Variants in CNOT10 observed in about 807,000 individuals in gnomAD.
CNOT10 encodes the protein CCR4-NOT transcription complex, subunit 10.
CNOT10 carries 30 observed loss-of-function variants against 94.6 expected under a neutral mutation model. The ratio of observed to expected loss-of-function variants is 0.32; its 90% CI spans 0.24 to 0.43. The LOEUF is 0.43. Ranked by LOEUF, CNOT10 falls within the 20% of genes least tolerant of loss-of-function variation. The probability of loss-of-function intolerance (pLI) is 1.00; values close to 1 mark genes in which losing one functional copy is unlikely to be tolerated. For synonymous variants in CNOT10, 289 were observed against 301.6 expected, an observed-to-expected ratio of 0.96 and a Z score of 0.43; for missense variants, 759 against 877.2, an observed-to-expected ratio of 0.87 and a Z score of 1.70.
In CNOT10 at chr3:32,727,621, A is replaced by G. The variant is rs150555346; in HGVS notation, c.1013-47A>G. On this transcript the variant is annotated intron_variant, in intron 9 of 18. Coordinates refer to ENST00000328834, the MANE Select transcript of CNOT10 (RefSeq NM_015442.3). ...TGGAGTAAATGTTTTCAAGGTTACT[A>G]TTACTGTAAATCTAATGATGTATTC... The G allele has an allele frequency of 1.2e-5, 14 of 1,207,634 alleles. No homozygotes were observed. The African/African-American group carries it at 1.2e-4, about 10-fold the overall frequency. The allele number at this position is 1,207,634 out of a possible 1,614,324, so 74.8% of individuals were successfully genotyped here. A position where few individuals can be genotyped will look rare whatever the true frequency, so the allele number is the denominator to read the frequency against.
Position 32,734,834 on chromosome 3 carries a change from A to G in CNOT10, c.1372A>G (p.Met458Val), listed in dbSNP as rs754552617. ...GTCTTCGGCCATTCCTGTAGCCAGT[A>G]TGGAGTTTGCAGCCATATGTCTCAG... The part of the protein sequence containing the change: ...GQSSAIPVAS[M>V]EFAAICLRNA... The change falls in exon 12 of 19, where the codon ATG becomes GTG. Residue 458 changes from methionine (M) to valine (V), a missense_variant. Met to Val is a conservative substitution (Grantham distance 21, BLOSUM62 1). Coordinates refer to ENST00000328834, the MANE Select transcript of CNOT10 (RefSeq NM_015442.3). 17 of 1,613,784 alleles carry G rather than the reference A, an allele frequency of 1.1e-5. No individual in the cohort carries two copies. Among genetic ancestry groups the G allele is most frequent in the Middle Eastern group, 1.6e-4 (1 of 6,082 alleles).
intron 1 of CNOT10, among the ~76,000 whole-genome samples, chr3:32,697,192 T>C (rs914703589): frequency 2.6e-5 from 4 of 151,962 alleles, no homozygotes; most frequent in Non-Finnish European, 5.9e-5. Context: ...TCAGGTGATC[T>C]GCCCACCTTG....
chr3:32,719,498 C>T (rs949776969), intron 7 of CNOT10, among the ~76,000 whole-genome samples: 1 of 152,142 alleles, frequency 6.6e-6, no homozygotes, highest in Non-Finnish European at 1.5e-5. Flanking sequence ...TGCATGCTTT[C>T]GTACTCTAAA....
At chr3:32,686,829 A>G (rs957912119) in intron 1 of CNOT10, among the ~76,000 whole-genome samples, 1 of 152,194 alleles carries the variant, frequency 6.6e-6, no homozygotes, top group African/African-American at 2.4e-5. Flanking sequence ...AAGCCCATCC[A>G]GTTTTCAAAT....
chr3:32,717,832 C>T (rs573740387), intron 7 of CNOT10, among the ~76,000 whole-genome samples: 5 of 152,220 alleles, frequency 3.3e-5, no homozygotes, highest in East Asian at 1.9e-4. Flanking sequence ...TGTCATTTCA[C>T]GCTAGCCTGG....
chr3:32,689,431 G>A (rs1057187297), intron 1 of CNOT10, among the ~76,000 whole-genome samples: 6 of 152,036 alleles, frequency 3.9e-5, no homozygotes, highest in African/African-American at 1.4e-4. Context: ...ATTAGAGAAG[G>A]GCTTTCTTAG....
In CNOT10 at chr3:32,725,504, T is replaced by C; in HGVS notation, c.917T>C (p.Met306Thr). ...WNNLGCIHFA[M>T]SKHNLGIFYF... The stretch of plus-strand genomic sequence containing the variant: ...AACCTTGGTTGCATCCATTTTGCCA[T>C]GAGCAAGCACAATTTGGGAATATTC... The change falls in exon 9 of 19, where the codon ATG becomes ACG. Residue 306 changes from methionine to threonine, a missense_variant. By Grantham distance (81) the Met-to-Thr change is moderately conservative. Transcript: ENST00000328834. 1.9e-6 allele frequency: 3 copies of C among 1,613,994 alleles called. No individual in the cohort carries two copies. The highest frequency in any genetic ancestry group is 1.7e-6 in the Non-Finnish European group (2 of 1,179,830).
At chr3:32,705,479 T>A (rs1235665323) in intron 3 of CNOT10, among the ~76,000 whole-genome samples, 1 of 152,186 alleles carries the variant, frequency 6.6e-6, no homozygotes, top group Non-Finnish European at 1.5e-5. Context: ...GTGATGGTGC[T>A]GATAGGATCA....
At chr3:32,721,456 GTGAA>G (rs1438055913) in intron 8 of CNOT10, among the ~76,000 whole-genome samples, 1 of 36,158 alleles carries the variant, frequency 2.8e-5, no homozygotes, top group Non-Finnish European at 5.7e-5. Flanking sequence ...TTTTTTTTTA[GTGAA>G]TTACCATCTA....
At chr3:32,771,484 C>T (rs1700903360) in intron 18 of CNOT10, among the ~76,000 whole-genome samples, 1 of 151,996 alleles carries the variant, frequency 6.6e-6, no homozygotes, top group African/African-American at 2.4e-5. Flanking sequence ...GCCTGTAATC[C>T]AGGTACTTAG....
chr3:32,686,815 C>T (rs1262498941), intron 1 of CNOT10, among the ~76,000 whole-genome samples: 1 of 152,308 alleles, frequency 6.6e-6, no homozygotes, highest in East Asian at 1.9e-4. Context: ...CCCTTTTAGA[C>T]CTAAAGCCCA....
chr3:32,692,575 A>G (rs1696896217), intron 1 of CNOT10, among the ~76,000 whole-genome samples: 1 of 152,226 alleles, frequency 6.6e-6, no homozygotes, highest in Non-Finnish European at 1.5e-5. Context: ...AGGTGCTGAC[A>G]GGAACATCTT....
chr3:32,734,732 C>T (rs1377902005), intron 11 of CNOT10, 68 bp from the exon 12 acceptor site: 41 of 1,250,452 alleles, frequency 3.3e-5, no homozygotes, highest in Non-Finnish European at 4.2e-5. Flanking sequence ...GGTTTTATTC[C>T]TCATAATAAA....
intron 13 of CNOT10, chr3:32,753,622 G>A (rs932038489): frequency 3.8e-6 from 6 of 1,576,190 alleles, no homozygotes; most frequent in Non-Finnish European, 5.2e-6. Flanking sequence ...CATAGCAGGT[G>A]TAAAGCACCT....
chr3:32,761,831 G>A (rs530668278), intron 14 of CNOT10, among the ~76,000 whole-genome samples: 34 of 148,568 alleles, frequency 2.3e-4, no homozygotes, highest in Admixed American at 1.2e-3. Flanking sequence ...GGAGTGCAAT[G>A]GCGTGATCTC....
intron 13 of CNOT10, chr3:32,753,838 G>T: frequency 6.5e-7 from 1 of 1,540,554 alleles, no homozygotes; most frequent in South Asian, 1.1e-5. Flanking sequence ...GTACCAGCTG[G>T]TCTGATGTAG....
chr3:32,725,985 C>G (rs1014553394), intron 9 of CNOT10, among the ~76,000 whole-genome samples: 1 of 151,422 alleles, frequency 6.6e-6, no homozygotes, highest in African/African-American at 2.4e-5. Flanking sequence ...AGCTCTATCA[C>G]CCAGGCTGGA....
chr3:32,743,551 T>C lies in CNOT10; in HGVS notation c.1595+6061T>C, dbSNP rs540633890. On this transcript the variant is annotated intron_variant, in intron 13 of 18. Coordinates refer to ENST00000328834, the MANE Select transcript of CNOT10 (RefSeq NM_015442.3). ...CGGGAGGCTGAGGCAGGAGAATTGC[T>C]TGAACCCAGAAGGCAGAGGTTGCAG... Among the ~76,000 whole-genome samples the C allele has an allele frequency of 1.6e-3, 246 of 152,182 alleles. 1 individual carries two copies. The highest frequency in any genetic ancestry group is 5.8e-3 in the African/African-American group (239 of 41,552).
chr3:32,752,691 G>A (rs1022247594), intron 13 of CNOT10, among the ~76,000 whole-genome samples: 4 of 152,168 alleles, frequency 2.6e-5, no homozygotes, highest in African/African-American at 7.2e-5. Flanking sequence ...ACAGTTGAAA[G>A]TTGGCTGAGT....
Sources: allele counts gnomAD v4.1 joint callset (sites outside exome capture counted in the v4.1 genomes callset), GRCh38; gene constraint gnomAD v4.1.1; transcripts MANE v1.5; gene names NCBI Gene and HGNC (gene_info 2026-07-23, HGNC 2026-07-21).